The following SLCO1B3 variants were observed in gnomAD, a reference collection of about 807,000 sequenced individuals.
SLCO1B3 encodes the protein solute carrier organic anion transporter family member 1B3.
Under a neutral mutation model 71.8 loss-of-function variants are expected in SLCO1B3, and 72 were observed. The observed-to-expected ratio is 1.00, with a 90% CI of 0.83 to 1.22. The LOEUF (loss-of-function observed/expected upper bound fraction) is 1.22, where lower values mean the gene tolerates loss of function less well. Ranked by LOEUF, SLCO1B3 falls within the 50% of genes most tolerant of loss-of-function variation. SLCO1B3 has a pLI of 0.00. For missense variants in SLCO1B3, 911 were observed against 819.7 expected (o/e 1.11, Z -1.36); for synonymous variants, 298 against 278.4 (o/e 1.07, Z -0.70).
chr12:20,849,776 A>C (rs1196049072), intron 3 of SLCO1B3, among the ~76,000 whole-genome samples: 1 of 151,734 alleles, frequency 6.6e-6, no homozygotes, highest in Non-Finnish European at 1.5e-5. Context: ...ACCGGGAATA[A>C]GCATTGAAAA....
rs541618806 is a variant in SLCO1B3, at chr12:20,864,403, G to A, written c.727+1549G>A. Among the ~76,000 whole-genome samples the A allele has an allele frequency of 1.1e-4, 17 of 152,208 alleles. 1 individual carries two copies. In the South Asian group the frequency reaches 2.3e-3, roughly 20 times the overall value. ...AAACAAATATGATTTTCTATCTCTT[G>A]AGGACTTAAATAGATCACTCCAAAG... On this transcript the variant is annotated intron_variant, in intron 8 of 15. Coordinates refer to ENST00000381545, the MANE Select transcript of SLCO1B3 (RefSeq NM_019844.4).
chr12:20,897,539 T>A (rs1263832148), intron 13 of SLCO1B3, among the ~76,000 whole-genome samples: 1 of 152,208 alleles, frequency 6.6e-6, no homozygotes, highest in Admixed American at 6.5e-5. Context: ...AAGCATAATT[T>A]GTCTATTTAC....
intron 8 of SLCO1B3, among the ~76,000 whole-genome samples, chr12:20,863,826 C>T (rs1375653248): frequency 1.3e-5 from 2 of 152,204 alleles, no homozygotes; most frequent in African/African-American, 4.8e-5. Context: ...CCACTATAAT[C>T]TGTTTTACCA....
chr12:20,912,356 G>A lies in SLCO1B3; in HGVS notation c.1866-3648G>A, dbSNP rs12307266. On this transcript the variant is annotated intron_variant, in intron 15 of 15. Transcript: ENST00000381545. ...TTATTTATTTATTTATTTTGAGACC[G>A]TCTTGCTCTGTTACCAAGGCTGGAG... Among the ~76,000 whole-genome samples, 351 of 145,730 alleles carry A rather than the reference G, an allele frequency of 2.4e-3. 3 individuals are homozygous for A. The highest frequency in any genetic ancestry group is 8.4e-3 in the African/African-American group (322 of 38,208).
At chr12:20,889,771 G>A (rs1376325652) in intron 13 of SLCO1B3, among the ~76,000 whole-genome samples, 2 of 151,982 alleles carry the variant, frequency 1.3e-5, no homozygotes, top group African/African-American at 4.8e-5. Flanking sequence ...TCTGTGAGAC[G>A]TGACATTAGA....
At position 20,862,851 on chromosome 12, in the gene SLCO1B3, C is replaced by T; in HGVS notation, c.724C>T (p.Leu242=). 6.5e-7 allele frequency: 1 copy of T among 1,543,974 alleles called. No individual in the cohort carries two copies. Among genetic ancestry groups the T allele is most frequent in the East Asian group, 2.2e-5 (1 of 44,494 alleles). ...GTACGTGGATATTGGATATGTAGAT[C>T]TGAGTAAGTACAATTAGAACAAGGT... is the stretch of plus-strand genomic sequence containing the variant. ...KMYVDIGYVD[L]STIRITPKDS... The change falls in exon 8 of 16, where the codon CTG becomes TTG. Residue 242 remains leucine (L), a synonymous_variant. Transcript: ENST00000381545.
At chr12:20,898,650 G>T in intron 14 of SLCO1B3, 150 bp downstream of exon 14, 2 of 455,944 alleles carry the variant, frequency 4.4e-6, no homozygotes, top group South Asian at 1.0e-4. Flanking sequence ...AAATAAAAAG[G>T]AACGGGAAAA....
chr12:20,910,264 T>C (rs1866347057), intron 15 of SLCO1B3, among the ~76,000 whole-genome samples: 1 of 152,180 alleles, frequency 6.6e-6, no homozygotes, highest in Admixed American at 6.5e-5. Flanking sequence ...ATTGACTGTA[T>C]TTAAGTGGGT....
intron 3 of SLCO1B3, among the ~76,000 whole-genome samples, chr12:20,826,622 T>C (rs974752913): frequency 6.6e-6 from 1 of 152,114 alleles, no homozygotes; most frequent in African/African-American, 2.4e-5. Flanking sequence ...ATGTATGATA[T>C]GCTTGGACTT....
rs1866487530 is a variant in SLCO1B3 at position 20,916,029 on chromosome 12, G to A, written c.1891G>A (p.Ala631Thr). Residue 631 changes from alanine to threonine, a missense_variant, in exon 16 of 16, where the codon GCT becomes ACT. Transcript: ENST00000381545. ...AAGGGTCTACTTGGGCTTATCTATA[G>A]CTTTAAGATTCCCAGCACTTGTTTT... is the stretch of plus-strand genomic sequence containing the variant. ...FGRVYLGLSIALRFPALVLYI... is the reference protein window; with the variant it reads ...FGRVYLGLSITLRFPALVLYI... 1 of 1,608,772 alleles carries A rather than the reference G, an allele frequency of 6.2e-7. No homozygotes were observed. The highest frequency in any genetic ancestry group is 1.1e-5 in the South Asian group (1 of 90,870).
chr12:20,911,812 G>A (rs947072174), intron 15 of SLCO1B3, among the ~76,000 whole-genome samples: 2 of 152,056 alleles, frequency 1.3e-5, no homozygotes, highest in African/African-American at 2.4e-5. Flanking sequence ...TTAGTAAATC[G>A]TGTCCTCCTT....
intron 3 of SLCO1B3, among the ~76,000 whole-genome samples, chr12:20,817,965 G>A (rs886469268): frequency 6.6e-5 from 10 of 152,152 alleles, no homozygotes; most frequent in South Asian, 6.2e-4. Context: ...TTGGAGAAAC[G>A]GTGTAAACCA....
chr12:20,883,469 TACTC>T lies in SLCO1B3; in HGVS notation c.1551_1554del (p.Tyr517Ter). 6.3e-7 allele frequency: 1 copy of T among 1,590,552 alleles called. No homozygotes were observed. The highest frequency in any genetic ancestry group is 1.4e-5 in the African/African-American group (1 of 73,364). ...AGTAACTGGTCTCCAGAACAGAAAT[TACTC>T]AGCACACTTGGGTGAATGCCCAAGA... is the stretch of plus-strand genomic sequence containing the variant. On this transcript the variant is annotated frameshift_variant, in exon 13 of 16. Transcript: ENST00000381545. LOFTEE classifies it high-confidence loss of function.
intron 15 of SLCO1B3, 32 bp from the exon 16 acceptor site, chr12:20,915,972 A>G (rs777731613): frequency 6.5e-7 from 1 of 1,529,466 alleles, no homozygotes; most frequent in East Asian, 2.3e-5. Context: ...CATTTAAAAT[A>G]ATAATCGACT....
intron 3 of SLCO1B3, among the ~76,000 whole-genome samples, chr12:20,823,805 A>C (rs1033331353): frequency 2.6e-5 from 4 of 152,198 alleles, no homozygotes; most frequent in African/African-American, 7.2e-5. Context: ...TTCCTGGACC[A>C]GTCAAAAAGT....
At chr12:20,902,500 A>G (rs1303025329) in intron 15 of SLCO1B3, among the ~76,000 whole-genome samples, 14 of 152,184 alleles carry the variant, frequency 9.2e-5, no homozygotes, top group Non-Finnish European at 1.5e-5. Flanking sequence ...GGAGCTAAAC[A>G]TTAAGTACAT....
chr12:20,905,070 C>T (rs1398574334), intron 15 of SLCO1B3, among the ~76,000 whole-genome samples: 2 of 152,148 alleles, frequency 1.3e-5, no homozygotes, highest in African/African-American at 4.8e-5. Flanking sequence ...AGCCCAACAC[C>T]ATGTGAAAGG....
intron 13 of SLCO1B3, among the ~76,000 whole-genome samples, chr12:20,890,927 GT>G (rs1165145199): frequency 3.3e-5 from 5 of 151,982 alleles, no homozygotes; most frequent in East Asian, 3.9e-4. Flanking sequence ...AGTTAGGTGG[GT>G]TTTTTGTATG....
chr12:20,905,382 T>C (rs1191704317), intron 15 of SLCO1B3, among the ~76,000 whole-genome samples: 1 of 152,232 alleles, frequency 6.6e-6, no homozygotes, highest in Non-Finnish European at 1.5e-5. Flanking sequence ...GGCTTGATTT[T>C]ATTCTCAGAA....
Sources: allele counts gnomAD v4.1 joint callset (sites outside exome capture counted in the v4.1 genomes callset), GRCh38; gene constraint gnomAD v4.1.1; transcripts MANE v1.5; gene names NCBI Gene and HGNC (gene_info 2026-07-23, HGNC 2026-07-21).